The following PPM1H variants were observed in gnomAD, a reference collection of about 807,000 sequenced individuals.
PPM1H encodes the protein protein phosphatase, Mg2+/Mn2+ dependent 1H, also known as protein phosphatase 1H.
Under a neutral mutation model 54.9 loss-of-function variants are expected in PPM1H, and 27 were observed. The ratio of observed to expected loss-of-function variants is 0.49; its 90% CI spans 0.36 to 0.68. The LOEUF is 0.68. PPM1H is among the 30% of genes least tolerant of loss of function. PPM1H has a pLI of 0.00. For synonymous variants in PPM1H, 305 were observed against 270.8 expected (o/e 1.13, Z -1.24); for missense variants, 596 against 667.8 (o/e 0.89, Z 1.19).
At chr12:62,726,198 T>C (rs1592565062) in intron 5 of PPM1H, among the ~76,000 whole-genome samples, 1 of 152,318 alleles carries the variant, frequency 6.6e-6, no homozygotes, top group East Asian at 1.9e-4. Flanking sequence ...AAACATATGG[T>C]TGCTTAATGA....
intron 4 of PPM1H, chr12:62,755,363 TC>T: frequency 1.1e-6 from 1 of 897,146 alleles, no homozygotes; most frequent in Non-Finnish European, 1.8e-6. Context: ...GTCTGTGTGT[TC>T]CAGTATGATT....
intron 1 of PPM1H, among the ~76,000 whole-genome samples, chr12:62,845,384 G>C (rs1198098051): frequency 6.6e-6 from 1 of 152,160 alleles, no homozygotes; most frequent in Non-Finnish European, 1.5e-5. Flanking sequence ...TCCTCTTCTT[G>C]CCTCCATCTG....
At chr12:62,766,780 A>C (rs1301264289) in intron 4 of PPM1H, among the ~76,000 whole-genome samples, 1 of 152,252 alleles carries the variant, frequency 6.6e-6, no homozygotes, top group African/African-American at 2.4e-5. Flanking sequence ...GCCATTCAGG[A>C]AACCATTGTG....
chr12:62,920,388 G>A (rs950214426), intron 1 of PPM1H, among the ~76,000 whole-genome samples: 2 of 151,842 alleles, frequency 1.3e-5, no homozygotes, highest in African/African-American at 4.8e-5. Context: ...GTGTGGTAGT[G>A]TGATCACAGC....
chr12:62,661,809 A>G (rs1165300391), intron 9 of PPM1H, among the ~76,000 whole-genome samples: 1 of 152,122 alleles, frequency 6.6e-6, no homozygotes, highest in Non-Finnish European at 1.5e-5. Context: ...GCTTCAGCCT[A>G]TGGAGTCGCT....
chr12:62,933,200 T>C (rs1872204519), intron 1 of PPM1H, among the ~76,000 whole-genome samples: 1 of 152,170 alleles, frequency 6.6e-6, no homozygotes, highest in African/African-American at 2.4e-5. Context: ...TCCAATCGTC[T>C]AGCCCCATTT....
chr12:62,707,466 C>A (rs775993191), intron 6 of PPM1H, among the ~76,000 whole-genome samples: 3 of 152,180 alleles, frequency 2.0e-5, no homozygotes, highest in African/African-American at 4.8e-5. Context: ...GGCTGCCCAG[C>A]GCTCTTTAAC....
chr12:62,667,386 A>G (rs1346008254), intron 8 of PPM1H, 57 bp from the exon 9 acceptor site: 2 of 1,395,892 alleles, frequency 1.4e-6, no homozygotes, highest in East Asian at 2.5e-5. Flanking sequence ...TATTCTCCCT[A>G]ACAAACTGAC....
At chr12:62,897,790 T>C (rs191964402) in intron 1 of PPM1H, among the ~76,000 whole-genome samples, 2 of 151,840 alleles carry the variant, frequency 1.3e-5, no homozygotes, top group Admixed American at 1.3e-4. Flanking sequence ...CAACTAACTA[T>C]GGGAACTAAA....
intron 8 of PPM1H, among the ~76,000 whole-genome samples, chr12:62,672,236 A>C (rs2075960463): frequency 6.6e-6 from 1 of 152,212 alleles, no homozygotes; most frequent in Non-Finnish European, 1.5e-5. Flanking sequence ...AATATGGCAG[A>C]ATACTATTGC....
At chr12:62,738,201 C>T (rs1054135421) in intron 4 of PPM1H, among the ~76,000 whole-genome samples, 6 of 152,132 alleles carry the variant, frequency 3.9e-5, no homozygotes, top group Non-Finnish European at 8.8e-5. Flanking sequence ...TTGGCTTCAC[C>T]TGGGAGCTTG....
intron 5 of PPM1H, among the ~76,000 whole-genome samples, chr12:62,732,683 T>G (rs2076328833): frequency 6.6e-6 from 1 of 151,464 alleles, no homozygotes; most frequent in African/African-American, 2.4e-5. Flanking sequence ...GCCATTCTCC[T>G]GCCTCAGCCT....
rs1592582197 is a variant in PPM1H at position 62,755,958 on chromosome 12, G to A, written c.870-18372C>T. On this transcript the variant is annotated intron_variant, in intron 4 of 9. Coordinates refer to ENST00000228705, the MANE Select transcript of PPM1H (RefSeq NM_020700.2). Reference sequence around the variant, plus strand: ...CCTACTGCCAATGTGTCAGTTGTGGGCCTGAACTGCTGTCTGGAAAAACTG... The same window carrying A: ...CCTACTGCCAATGTGTCAGTTGTGGACCTGAACTGCTGTCTGGAAAAACTG... The A allele has an allele frequency of 1.4e-5, 13 of 942,078 alleles. No individual in the cohort carries two copies. In the South Asian group the frequency reaches 1.8e-4, roughly 13 times the overall value. The allele number at this position is 942,078 out of a possible 1,614,324, so 58.4% of individuals were successfully genotyped here. A position where few individuals can be genotyped will look rare whatever the true frequency, so the allele number is the denominator to read the frequency against.
chr12:62,898,578 C>T (rs1305765569), intron 1 of PPM1H, among the ~76,000 whole-genome samples: 2 of 152,184 alleles, frequency 1.3e-5, no homozygotes, highest in Admixed American at 1.3e-4. Context: ...ATTTGTTCCT[C>T]TTTGTTGTCA....
At chr12:62,846,024 T>G (rs10784315) in intron 1 of PPM1H, among the ~76,000 whole-genome samples, 12,972 of 152,204 alleles carry the variant, frequency 0.085, 1,155 homozygotes, top group East Asian at 0.29. Context: ...CCCATTTCCA[T>G]GCCTTGTCCA....
chr12:62,757,164 T>C (rs2076481512), intron 4 of PPM1H, among the ~76,000 whole-genome samples: 1 of 152,202 alleles, frequency 6.6e-6, no homozygotes, highest in Admixed American at 6.5e-5. Context: ...TACTCCCTCA[T>C]GCTCTCGTAG....
Position 62,801,889 on chromosome 12 carries a change from C to G in PPM1H, c.683G>C (p.Arg228Pro). 1.2e-6 allele frequency: 2 copies of G among 1,613,856 alleles called. No homozygotes were observed. The highest frequency in any genetic ancestry group is 1.7e-6 in the Non-Finnish European group (2 of 1,179,788). ...GGGAATCTTCTTCTCGGTAAAGAAG[C>G]GTGTGGGGGGCGTGCTGGGGGAGCC... ...APGSPSTPPT[R>P]FFTEKKIPHE... The change falls in exon 3 of 10, where the codon CGC (arginine) becomes CCC (proline). Residue 228 changes from arginine (R) to proline (P), a missense_variant. Arg to Pro is a moderately radical substitution (Grantham distance 103). This residue lies in a region of PPM1H where 382 missense variants were observed against 387.1 expected (regional missense o/e 0.99). Transcript: ENST00000228705.
chr12:62,687,688 C>T (rs185994006), intron 8 of PPM1H, among the ~76,000 whole-genome samples: 1 of 152,082 alleles, frequency 6.6e-6, no homozygotes, highest in Admixed American at 6.6e-5. Flanking sequence ...ATGTTCTGAG[C>T]ATTTCCAGTC....
chr12:62,879,129 G>A (rs1244067295), intron 1 of PPM1H, among the ~76,000 whole-genome samples: 1 of 152,220 alleles, frequency 6.6e-6, no homozygotes, highest in Non-Finnish European at 1.5e-5. Context: ...CTAGGTGGGG[G>A]CGAGAGCAGG....
Sources: allele counts gnomAD v4.1 joint callset (sites outside exome capture counted in the v4.1 genomes callset), GRCh38; gene constraint gnomAD v4.1.1; regional missense constraint gnomAD v4.1.1; transcripts MANE v1.5; gene names NCBI Gene and HGNC (gene_info 2026-07-23, HGNC 2026-07-21).